Variants in MORC1 observed in about 807,000 individuals in gnomAD.
MORC1 encodes the protein MORC family CW-type zinc finger protein 1.
MORC1 carries 59 observed loss-of-function variants against 134.9 expected under a neutral mutation model. That is an observed-to-expected ratio of 0.44 (90% CI 0.35 to 0.54). The LOEUF (loss-of-function observed/expected upper bound fraction) is 0.54. Ranked by LOEUF, MORC1 falls within the 20% of genes least tolerant of loss-of-function variation. The pLI is 0.00. For missense variants in MORC1, 947 were observed against 1,134.5 expected (o/e 0.83, Z 2.37); for synonymous variants, 395 against 391.7 (o/e 1.01, Z -0.10).
Position 109,118,061 on chromosome 3 carries a change from C to G in MORC1, c.-2G>C, listed in dbSNP as rs576196526. On this transcript the variant is annotated 5_prime_UTR_variant, in exon 1 of 28. Transcript: ENST00000232603. ...AAGCGCAGGGTACCTGTCGTCCATG[C>G]CCTCGAACACGACCCGCGCAACTCA... 6.2e-7 allele frequency: 1 copy of G among 1,607,276 alleles called. No individual in the cohort carries two copies. The highest frequency in any genetic ancestry group is 1.7e-5 in the Admixed American group (1 of 59,340).
At chr3:109,084,576 C>G (rs924903294) in intron 8 of MORC1, among the ~76,000 whole-genome samples, 1 of 151,840 alleles carries the variant, frequency 6.6e-6, no homozygotes, top group South Asian at 2.1e-4. Flanking sequence ...TATTAAATAC[C>G]ACCCAAAGCA....
chr3:108,989,780 C>G (rs1947995958), intron 21 of MORC1, among the ~76,000 whole-genome samples: 1 of 152,094 alleles, frequency 6.6e-6, no homozygotes. Flanking sequence ...TGTTCCAGGC[C>G]CTCCCCTTCA....
chr3:109,022,922 T>C (rs568335007), intron 17 of MORC1, among the ~76,000 whole-genome samples: 8 of 152,294 alleles, frequency 5.3e-5, no homozygotes, highest in South Asian at 4.1e-4. Context: ...GTAACTATAA[T>C]ATTAGACATA....
intron 9 of MORC1, among the ~76,000 whole-genome samples, chr3:109,064,565 G>A (rs1950156349): frequency 6.7e-6 from 1 of 150,146 alleles, no homozygotes; most frequent in Non-Finnish European, 1.5e-5. Flanking sequence ...ATCAAATATA[G>A]TATTTTAAAA....
intron 8 of MORC1, among the ~76,000 whole-genome samples, chr3:109,092,809 A>G (rs1014727577): frequency 6.6e-6 from 1 of 152,164 alleles, no homozygotes; most frequent in Non-Finnish European, 1.5e-5. Flanking sequence ...TTACCTTTAC[A>G]ATCTCTTCTA....
chr3:108,985,034 A>G (rs1199938052), intron 22 of MORC1, among the ~76,000 whole-genome samples: 2 of 152,160 alleles, frequency 1.3e-5, no homozygotes, highest in East Asian at 3.9e-4. Context: ...TAATTTTTAA[A>G]TGGACATTTT....
chr3:109,009,687 C>T (rs996726440), intron 17 of MORC1, among the ~76,000 whole-genome samples: 3 of 151,974 alleles, frequency 2.0e-5, no homozygotes, highest in Admixed American at 1.3e-4. Context: ...CTATAGGTGA[C>T]TTGATGTTTA....
At chr3:109,019,165 G>A (rs1452346554) in intron 17 of MORC1, 1 of 152,216 alleles carries the variant, frequency 6.6e-6, no homozygotes, top group Non-Finnish European at 1.5e-5. Flanking sequence ...AAGGACTACA[G>A]ACACCAGACA....
At chr3:108,996,286 G>GCGTGCGCACACACACACACACACACA in intron 21 of MORC1, among the ~76,000 whole-genome samples, 6 of 146,382 alleles carry the variant, frequency 4.1e-5, no homozygotes, top group Non-Finnish European at 7.5e-5. Flanking sequence ...GCGCGCGCGC[G>GCGTGCGCACACACACACACACACACA]CACACACACA....
intron 8 of MORC1, among the ~76,000 whole-genome samples, chr3:109,090,157 T>C (rs368510139): frequency 5.9e-4 from 90 of 152,210 alleles, no homozygotes; most frequent in African/African-American, 2.1e-3. Context: ...TAAACTGATA[T>C]TGCCAAACCA....
intron 3 of MORC1, among the ~76,000 whole-genome samples, chr3:109,109,109 A>T (rs1951104469): frequency 6.6e-6 from 1 of 151,960 alleles, no homozygotes; most frequent in Non-Finnish European, 1.5e-5. Flanking sequence ...CCTCCCTTTC[A>T]TCATTCAGGT....
At chr3:109,098,836 T>G (rs1310392017) in intron 6 of MORC1, among the ~76,000 whole-genome samples, 2 of 152,196 alleles carry the variant, frequency 1.3e-5, no homozygotes, top group African/African-American at 2.4e-5. Context: ...AGAGAGTAGT[T>G]CCTCAACATG....
chr3:109,023,946 T>C (rs904808998), intron 17 of MORC1, among the ~76,000 whole-genome samples: 7 of 152,198 alleles, frequency 4.6e-5, no homozygotes, highest in Admixed American at 3.3e-4. Context: ...TACTTATTCA[T>C]CTATTCAAAA....
intron 20 of MORC1, among the ~76,000 whole-genome samples, chr3:109,001,498 A>G (rs765648660): frequency 1.1e-4 from 17 of 152,238 alleles, no homozygotes; most frequent in Non-Finnish European, 2.2e-4. Context: ...TTAAGCCAAC[A>G]GACAATTTTT....
chr3:109,032,852 A>G (rs1949271323), intron 15 of MORC1, 27 bp from the exon 16 acceptor site: 4 of 1,370,356 alleles, frequency 2.9e-6, no homozygotes, highest in Non-Finnish European at 4.1e-6. Flanking sequence ...AATGACACAG[A>G]AAAGAGATCA....
At chr3:109,064,111 A>T (rs951592644) in intron 9 of MORC1, among the ~76,000 whole-genome samples, 2 of 152,168 alleles carry the variant, frequency 1.3e-5, no homozygotes, top group African/African-American at 4.8e-5. Context: ...ACATAATTTT[A>T]TGTTTAAAAA....
rs142595165 is a variant in MORC1, at chr3:109,030,736, G to A, written c.1565+1984C>T. On this transcript the variant is annotated intron_variant, in intron 16 of 27. Coordinates refer to ENST00000232603, the MANE Select transcript of MORC1 (RefSeq NM_014429.4). ...ATCACAAGTGGCACTGTTTTTACGTGTAAAAGAGACAGAATTAAATCAATA... is the reference window on the plus strand; with the variant it reads ...ATCACAAGTGGCACTGTTTTTACGTATAAAAGAGACAGAATTAAATCAATA... Among the ~76,000 whole-genome samples the A allele has an allele frequency of 6.1e-3, 931 of 152,262 alleles. 7 individuals are homozygous for A. Among genetic ancestry groups the A allele is most frequent in the Non-Finnish European group, 8.9e-3 (606 of 68,014 alleles).
chr3:109,104,486 T>C (rs1222433434), intron 3 of MORC1, among the ~76,000 whole-genome samples: 1 of 152,190 alleles, frequency 6.6e-6, no homozygotes, highest in East Asian at 1.9e-4. Context: ...TTTTAATGAT[T>C]TGAAGATATC....
chr3:109,101,207 T>G (rs1032239363), intron 4 of MORC1, among the ~76,000 whole-genome samples: 1 of 152,198 alleles, frequency 6.6e-6, no homozygotes. Flanking sequence ...ACTTGGTGGG[T>G]GTTACCAAAT....
Sources: allele counts gnomAD v4.1 joint callset (sites outside exome capture counted in the v4.1 genomes callset), GRCh38; gene constraint gnomAD v4.1.1; transcripts MANE v1.5; gene names NCBI Gene and HGNC (gene_info 2026-07-23, HGNC 2026-07-21).